Variants in GAB2 observed in about 807,000 individuals in gnomAD.
GAB2 encodes GRB2-associated-binding protein 2.
Under a neutral mutation model 65.5 loss-of-function variants are expected in GAB2, and 26 were observed. The observed-to-expected ratio is 0.40, with a 90% CI of 0.29 to 0.55. The LOEUF (loss-of-function observed/expected upper bound fraction) is 0.55, where lower values mean the gene tolerates loss of function less well. Ranked by LOEUF, GAB2 falls within the 20% of genes least tolerant of loss-of-function variation. GAB2 has a pLI of 0.53. For synonymous variants in GAB2, 321 were observed against 329.6 expected (o/e 0.97, Z 0.28); for missense variants, 884 against 875.8 (o/e 1.01, Z -0.12).
chr11:78,391,278 G>A (rs1856830547), intron 1 of GAB2, among the ~76,000 whole-genome samples: 1 of 152,164 alleles, frequency 6.6e-6, no homozygotes, highest in Non-Finnish European at 1.5e-5. Flanking sequence ...CTGGGTGACA[G>A]AGACCCTGTC....
rs776794722 is a variant in GAB2 at position 78,222,191 on chromosome 11, C to T, written c.1572G>A (p.Lys524=). Residue 524 remains lysine, a synonymous_variant, in exon 7 of 10, where the codon AAG becomes AAA. Coordinates refer to ENST00000361507, the MANE Select transcript of GAB2 (RefSeq NM_080491.3). ...TGTTCCTCAGGTCAAGTGGTGTTGGCTTTGCTGGAGCAGGAAAAGAAAGTC... is the reference window on the plus strand; with the variant it reads ...TGTTCCTCAGGTCAAGTGGTGTTGGTTTTGCTGGAGCAGGAAAAGAAAGTC... ...NRNLKPDRKA[K]PTPLDLRNNT... 2.2e-5 allele frequency: 36 copies of T among 1,612,058 alleles called. No individual in the cohort carries two copies. The highest frequency in any genetic ancestry group is 2.9e-5 in the Non-Finnish European group (34 of 1,178,226).
intron 1 of GAB2, among the ~76,000 whole-genome samples, chr11:78,316,903 G>C (rs1855618887): frequency 6.6e-6 from 1 of 152,224 alleles, no homozygotes. Flanking sequence ...ACTGGTGGAT[G>C]AATGGAGATA....
intron 2 of GAB2, among the ~76,000 whole-genome samples, chr11:78,265,618 A>T (rs1865855812): frequency 6.6e-6 from 1 of 152,204 alleles, no homozygotes; most frequent in South Asian, 2.1e-4. Context: ...GTGTAAAATA[A>T]ACTTCAGGTC....
chr11:78,318,724 T>C (rs745642908), intron 1 of GAB2, among the ~76,000 whole-genome samples: 1 of 152,184 alleles, frequency 6.6e-6, no homozygotes, highest in Non-Finnish European at 1.5e-5. Flanking sequence ...TGACGAATTC[T>C]GAATGTCCCC....
chr11:78,223,680 G>A lies in GAB2; in HGVS notation c.1303-4C>T. ...GGCCCACAATCATTTTCCCTGGCTAGGGAGAGGAACAGTGAAAGAAATACA... is the reference window on the plus strand; with the variant it reads ...GGCCCACAATCATTTTCCCTGGCTAAGGAGAGGAACAGTGAAAGAAATACA... On this transcript the variant is annotated splice_polypyrimidine_tract_variant and splice_region_variant and intron_variant, in intron 5 of 9. Coordinates refer to ENST00000361507, the MANE Select transcript of GAB2 (RefSeq NM_080491.3). 1 of 1,589,570 alleles carries A rather than the reference G, an allele frequency of 6.3e-7. No homozygotes were observed. The highest frequency in any genetic ancestry group is 1.1e-5 in the South Asian group (1 of 87,774).
chr11:78,310,101 G>A (rs549850013), intron 1 of GAB2, among the ~76,000 whole-genome samples: 2 of 152,054 alleles, frequency 1.3e-5, no homozygotes, highest in African/African-American at 4.8e-5. Flanking sequence ...ATAAAATCTC[G>A]CATAACAAAG....
intron 1 of GAB2, among the ~76,000 whole-genome samples, chr11:78,401,288 C>T (rs1856968334): frequency 6.6e-6 from 1 of 152,158 alleles, no homozygotes; most frequent in South Asian, 2.1e-4. Context: ...TAAACAATAG[C>T]TGCTCATTGT....
intron 1 of GAB2, among the ~76,000 whole-genome samples, chr11:78,297,603 T>C (rs907098771): frequency 1.3e-5 from 2 of 152,000 alleles, no homozygotes; most frequent in African/African-American, 4.8e-5. Context: ...GGAAGCGAGC[T>C]TGGGTTATGG....
chr11:78,412,742 A>G (rs1383910643), intron 1 of GAB2, among the ~76,000 whole-genome samples: 1 of 152,242 alleles, frequency 6.6e-6, no homozygotes, highest in African/African-American at 2.4e-5. Flanking sequence ...ATTTTTTTAA[A>G]AAGCCCAGGC....
intron 1 of GAB2, among the ~76,000 whole-genome samples, chr11:78,323,997 C>G (rs1041804502): frequency 6.6e-6 from 1 of 151,878 alleles, no homozygotes; most frequent in African/African-American, 2.4e-5. Flanking sequence ...GGGGTTTTGC[C>G]ATGTGGGCCA....
chr11:78,358,143 T>C (rs1251093178), intron 1 of GAB2, among the ~76,000 whole-genome samples: 2 of 151,950 alleles, frequency 1.3e-5, no homozygotes, highest in Non-Finnish European at 2.9e-5. Flanking sequence ...ATGTCCTTTG[T>C]AGGGACATGG....
chr11:78,339,312 C>A (rs1856055011), intron 1 of GAB2, among the ~76,000 whole-genome samples: 1 of 152,134 alleles, frequency 6.6e-6, no homozygotes, highest in South Asian at 2.1e-4. Context: ...ATAACATTTG[C>A]CTAGCCAAAC....
At position 78,401,505 on chromosome 11, in the gene GAB2, CGTGTGTGTGTGTGTGT is replaced by C. The variant is rs34474918; in HGVS notation, c.75+16125_75+16140del. 1.7e-3 allele frequency among the ~76,000 whole-genome samples: 216 copies of C among 125,012 alleles called. 5 individuals carry two copies. In the East Asian group the frequency reaches 0.044, roughly 25 times the overall value. 82.0% of individuals were successfully genotyped at this position (125,012 alleles called of 152,430 possible). ...TTCCCTTTTAAGGCTGAACAGTATT[CGTGTGTGTGTGTGTGT>C]GTGTGTGTGTGTGTGTGTGTGTGTG... On this transcript the variant is annotated intron_variant, in intron 1 of 9. Coordinates refer to ENST00000361507, the MANE Select transcript of GAB2 (RefSeq NM_080491.3).
At position 78,219,162 on chromosome 11, in the gene GAB2, G is replaced by C. The variant is rs1864291837; in HGVS notation, c.*110C>G. ...GTCAAGTGCTTTGAAGGCTGAGACT[G>C]GCAGAGTAGAGAGGAGGTGGATGGG... On this transcript the variant is annotated 3_prime_UTR_variant, in exon 10 of 10. Coordinates refer to ENST00000361507, the MANE Select transcript of GAB2 (RefSeq NM_080491.3). 1 of 1,043,014 alleles carries C rather than the reference G, an allele frequency of 9.6e-7. No individual in the cohort carries two copies. The highest frequency in any genetic ancestry group is 1.4e-6 in the Non-Finnish European group (1 of 703,568). The allele number at this position is 1,043,014 out of a possible 1,614,324, so 64.6% of individuals were successfully genotyped here.
chr11:78,323,642 C>T (rs1018110678), intron 1 of GAB2, among the ~76,000 whole-genome samples: 17 of 144,558 alleles, frequency 1.2e-4, no homozygotes, highest in Admixed American at 7.7e-4. Context: ...CCAAAAAGGT[C>T]GGGGGAGGGA....
At chr11:78,324,692 C>G (rs1161509217) in intron 1 of GAB2, 4 of 152,178 alleles carry the variant, frequency 2.6e-5, no homozygotes, top group African/African-American at 4.8e-5. Context: ...AGTAGGAATC[C>G]TTATTCCCAT....
chr11:78,263,531 G>T (rs1045157133), intron 2 of GAB2, among the ~76,000 whole-genome samples: 1 of 151,726 alleles, frequency 6.6e-6, no homozygotes, highest in Non-Finnish European at 1.5e-5. Flanking sequence ...TAGTAGGGAG[G>T]CTGAGGCAGG....
intron 2 of GAB2, among the ~76,000 whole-genome samples, chr11:78,276,945 G>A (rs12271802): frequency 0.034 from 5,134 of 152,242 alleles, 128 homozygotes; most frequent in Non-Finnish European, 0.047. Flanking sequence ...AGCCTCCCGA[G>A]TAGCTAGGAC....
chr11:78,259,542 C>T (rs1187558656), intron 2 of GAB2, among the ~76,000 whole-genome samples: 1 of 152,184 alleles, frequency 6.6e-6, no homozygotes, highest in East Asian at 1.9e-4. Context: ...CACTTTTCAT[C>T]ATAAGCCTGA....
Sources: gnomAD v4.1 joint callset for allele counts (sites outside exome capture counted in the v4.1 genomes callset) on GRCh38, gnomAD v4.1.1 for gene constraint, MANE v1.5 for transcripts, NCBI Gene and HGNC (gene_info 2026-07-23, HGNC 2026-07-21) for gene names.